Variants in DCP1B observed in about 807,000 individuals in gnomAD.
DCP1B encodes mRNA-decapping enzyme 1B.
DCP1B carries 47 observed loss-of-function variants against 60.5 expected under a neutral mutation model. The ratio of observed to expected loss-of-function variants is 0.78; its 90% confidence interval spans 0.61 to 0.99. The LOEUF (loss-of-function observed/expected upper bound fraction) is 0.99. Among genes scored for constraint, DCP1B ranks in the 50% least tolerant of loss-of-function variants. The pLI, the probability that DCP1B is intolerant of heterozygous loss-of-function variation, is 0.00. For missense variants in DCP1B, 725 were observed against 756.8 expected, an observed-to-expected ratio of 0.96 and a Z score of 0.49; for synonymous variants, 267 against 280.3, an observed-to-expected ratio of 0.95 and a Z score of 0.47.
chr12:1,954,092 G>C (rs894563480), intron 6 of DCP1B, among the ~76,000 whole-genome samples: 1 of 152,042 alleles, frequency 6.6e-6, no homozygotes, highest in Admixed American at 6.5e-5. Flanking sequence ...TGAGGTGGGA[G>C]GATTGCTTGA....
At chr12:1,947,937 A>G (rs2154456307) in intron 8 of DCP1B, among the ~76,000 whole-genome samples, 1 of 152,302 alleles carries the variant, frequency 6.6e-6, no homozygotes, top group Non-Finnish European at 1.5e-5. Context: ...TGCTGGGATT[A>G]CAGGCGTGAG....
chr12:1,968,915 A>G (rs1447433600), intron 3 of DCP1B, among the ~76,000 whole-genome samples: 1 of 152,212 alleles, frequency 6.6e-6, no homozygotes, highest in Non-Finnish European at 1.5e-5. Context: ...ATACTTTAGT[A>G]TGTGCCTATC....
Position 1,953,132 on chromosome 12 carries a change from C to G in DCP1B, c.808G>C (p.Val270Leu), listed in dbSNP as rs532810287. The G allele has an allele frequency of 6.2e-7, 1 of 1,612,638 alleles. No individual in the cohort carries two copies. Among genetic ancestry groups the G allele is most frequent in the Non-Finnish European group, 8.5e-7 (1 of 1,179,846 alleles). The change falls in exon 7 of 9, where the codon GTT becomes CTT. Residue 270 changes from valine (V) to leucine (L), a missense_variant. Coordinates refer to ENST00000280665, the MANE Select transcript of DCP1B (RefSeq NM_152640.5). ...TCCTCATAGGACAGGGAGCGTACAA[C>G]CCCCTGCCTAATTGGAAGCTTCTCT... ...QQEKLPIRQG[V>L]VRSLSYEEPR...
chr12:1,993,475 G>A (rs2039994262), intron 2 of DCP1B, 84 bp from the exon 3 acceptor site: 3 of 1,513,960 alleles, frequency 2.0e-6, no homozygotes, highest in Admixed American at 4.0e-5. Context: ...ATTCTGATGT[G>A]TCTCTCAACC....
intron 3 of DCP1B, among the ~76,000 whole-genome samples, chr12:1,979,150 T>C (rs2035343917): frequency 6.6e-6 from 1 of 152,062 alleles, no homozygotes; most frequent in Non-Finnish European, 1.5e-5. Context: ...GTGGCTGGGA[T>C]TACACGTGCC....
At chr12:1,988,240 A>T (rs1400485209) in intron 3 of DCP1B, among the ~76,000 whole-genome samples, 1 of 152,212 alleles carries the variant, frequency 6.6e-6, no homozygotes, top group Non-Finnish European at 1.5e-5. Flanking sequence ...CCTCTGTGCC[A>T]TGTTATCTTC....
chr12:1,947,501 C>T (rs1440858611), intron 8 of DCP1B, among the ~76,000 whole-genome samples: 6 of 152,148 alleles, frequency 3.9e-5, no homozygotes, highest in South Asian at 2.1e-4. Context: ...GTAAAATGCA[C>T]GCAGAGTGGA....
At chr12:1,993,044 AG>A (rs775790583) in intron 3 of DCP1B, 2 of 686,286 alleles carry the variant, frequency 2.9e-6, no homozygotes, top group Non-Finnish European at 5.1e-6. Flanking sequence ...GACAGGGTTT[AG>A]GTTTATATCA....
intron 1 of DCP1B, among the ~76,000 whole-genome samples, chr12:2,003,456 G>A (rs2042650961): frequency 6.6e-6 from 1 of 152,180 alleles, no homozygotes; most frequent in Non-Finnish European, 1.5e-5. Context: ...AACTCATTAT[G>A]AGTAAAGAAA....
At chr12:1,969,314 A>C (rs1372728264) in intron 3 of DCP1B, among the ~76,000 whole-genome samples, 1 of 152,332 alleles carries the variant, frequency 6.6e-6, no homozygotes, top group East Asian at 1.9e-4. Flanking sequence ...TATTTTAAGC[A>C]GGTATCTTAA....
chr12:1,958,201 C>A (rs2030966113), intron 5 of DCP1B, among the ~76,000 whole-genome samples: 1 of 147,324 alleles, frequency 6.8e-6, no homozygotes. Flanking sequence ...CCTAACGTTG[C>A]TCTGGGCAAT....
chr12:1,994,811 T>C (rs2040405057), intron 2 of DCP1B, among the ~76,000 whole-genome samples: 1 of 152,096 alleles, frequency 6.6e-6, no homozygotes, highest in Admixed American at 6.6e-5. Context: ...ATTTAGAAAA[T>C]AGGCCCAGGG....
chr12:1,992,892 A>G (rs952493167), intron 3 of DCP1B: 6 of 498,162 alleles, frequency 1.2e-5, no homozygotes, highest in African/African-American at 9.7e-5. Flanking sequence ...AAAGTGCCAT[A>G]GCAGACTCGT....
At chr12:1,968,988 G>A (rs2031584067) in intron 3 of DCP1B, among the ~76,000 whole-genome samples, 1 of 152,056 alleles carries the variant, frequency 6.6e-6, no homozygotes, top group South Asian at 2.1e-4. Flanking sequence ...ATCTAGTTGA[G>A]GATCTGATGG....
Position 1,965,688 on chromosome 12 carries a change from G to A in DCP1B, c.392C>T (p.Thr131Ile), listed in dbSNP as rs755906593. The change falls in exon 5 of 9, where the codon ACT becomes ATT. Residue 131 changes from threonine (T) to isoleucine (I), a missense_variant. By Grantham distance (89) the Thr-to-Ile change is moderately conservative. Coordinates refer to ENST00000280665, the MANE Select transcript of DCP1B (RefSeq NM_152640.5). ...QRIAELMKNL[T>I]QYEQLKAHQG... ...ATGGGCTTTCAACTGTTCATACTGAGTTAGGCTAGAAAAACAGAGGGGAAA... is the reference window on the plus strand; with the variant it reads ...ATGGGCTTTCAACTGTTCATACTGAATTAGGCTAGAAAAACAGAGGGGAAA... 3 of 1,603,932 alleles carry A rather than the reference G, an allele frequency of 1.9e-6. No homozygotes were observed. Among genetic ancestry groups the A allele is most frequent in the Non-Finnish European group, 2.5e-6 (3 of 1,176,970 alleles).
At chr12:1,977,707 A>G (rs1469283039) in intron 3 of DCP1B, among the ~76,000 whole-genome samples, 1 of 152,238 alleles carries the variant, frequency 6.6e-6, no homozygotes, top group African/African-American at 2.4e-5. Flanking sequence ...CAACCAATTA[A>G]TTAATGGTAA....
intron 7 of DCP1B, among the ~76,000 whole-genome samples, chr12:1,951,306 T>C (rs552376682): frequency 3.3e-5 from 5 of 152,032 alleles, no homozygotes; most frequent in African/African-American, 1.2e-4. Context: ...TAACAAAACA[T>C]GACAAAGGGC....
intron 7 of DCP1B, chr12:1,949,959 G>A (rs576121475): frequency 3.9e-5 from 9 of 232,016 alleles, no homozygotes; most frequent in South Asian, 1.7e-4. Flanking sequence ...TGTCTGCTGA[G>A]TCTAACTCCC....
At chr12:1,979,574 A>T (rs897990660) in intron 3 of DCP1B, among the ~76,000 whole-genome samples, 3 of 152,222 alleles carry the variant, frequency 2.0e-5, no homozygotes, top group African/African-American at 7.2e-5. Flanking sequence ...AGCCTCCCAT[A>T]GTGTTGGGAT....
Sources: gnomAD v4.1 joint callset for allele counts (sites outside exome capture counted in the v4.1 genomes callset) on GRCh38, gnomAD v4.1.1 for gene constraint, MANE v1.5 for transcripts, NCBI Gene and HGNC (gene_info 2026-07-23, HGNC 2026-07-21) for gene names.